ST14: variants seen among roughly 807,000 people sequenced by gnomAD.
The protein encoded by ST14 is suppressor of tumorigenicity 14 protein.
Under a neutral mutation model 96.5 loss-of-function variants are expected in ST14, and 40 were observed. That is an observed-to-expected ratio of 0.41 (90% CI 0.32 to 0.54). The LOEUF (loss-of-function observed/expected upper bound fraction) is 0.54, where lower values mean the gene tolerates loss of function less well. Among genes scored for constraint, ST14 ranks in the 20% least tolerant of loss-of-function variants. ST14 has a pLI of 0.17. For synonymous variants in ST14, 506 were observed against 492.1 expected (o/e 1.03, Z -0.37); for missense variants, 1,066 against 1,188.9 (o/e 0.90, Z 1.52).
chr11:130,159,830 C>T lies in ST14; in HGVS notation c.-150C>T. 4.3e-6 allele frequency: 1 copy of T among 235,016 alleles called. No homozygotes were observed. Among genetic ancestry groups the T allele is most frequent in the Non-Finnish European group, 8.0e-6 (1 of 125,394 alleles). 14.6% of individuals were successfully genotyped at this position (235,016 alleles called of 1,614,324 possible). ...GAAAGAGGAAGAGGGAGAGAGAGCG[C>T]GCCAGGGCGAGGGCACCGCCGCCGG... On this transcript the variant is annotated 5_prime_UTR_variant, in exon 1 of 19. Transcript: ENST00000278742.
Position 130,200,207 on chromosome 11 carries a change from G to A in ST14, c.1994+70G>A, listed in dbSNP as rs564154378. The stretch of plus-strand genomic sequence containing the variant: ...TGCATCTGGGAGTAATGCCAGGATA[G>A]GTTGGCACCGAGGCAGGGCACTGGA... On this transcript the variant is annotated intron_variant, in intron 16 of 18. Transcript: ENST00000278742. 1.2e-5 allele frequency: 19 copies of A among 1,576,778 alleles called. No individual in the cohort carries two copies. In the Admixed American group the frequency reaches 2.7e-4, roughly 22 times the overall value.
intron 4 of ST14, chr11:130,189,292 G>A (rs988030946): frequency 2.1e-6 from 1 of 467,818 alleles, no homozygotes; most frequent in South Asian, 2.4e-5. Context: ...TGCTTGAGCA[G>A]TTTTTCACGC....
At chr11:130,201,300 G>A (rs1311512763) in intron 16 of ST14, among the ~76,000 whole-genome samples, 1 of 152,272 alleles carries the variant, frequency 6.6e-6, no homozygotes, top group Admixed American at 6.5e-5. Flanking sequence ...ACAGGGGCAT[G>A]GGCCTTCCAG....
At chr11:130,166,380 G>A (rs1212915198) in intron 1 of ST14, among the ~76,000 whole-genome samples, 2 of 152,170 alleles carry the variant, frequency 1.3e-5, no homozygotes, top group Non-Finnish European at 2.9e-5. Flanking sequence ...TTGGAGGATC[G>A]AAGTTCTGGT....
rs1953395820 is a variant in ST14 at position 130,198,682 on chromosome 11, A to C, written c.1684+61A>C. On this transcript the variant is annotated intron_variant, in intron 14 of 18. Transcript: ENST00000278742. ...CTCGCCCCTGGAGGAGGCTGCCCTGAGCACACGCACATGCAGGACGCCCCG... is the reference window on the plus strand; with the variant it reads ...CTCGCCCCTGGAGGAGGCTGCCCTGCGCACACGCACATGCAGGACGCCCCG... The C allele has an allele frequency of 3.3e-6, 5 of 1,496,794 alleles. No homozygotes were observed. In the South Asian group the frequency reaches 5.7e-5, roughly 17 times the overall value. The allele number at this position is 1,496,794 out of a possible 1,614,324, so 92.7% of individuals were successfully genotyped here.
At chr11:130,189,682 C>T (rs758467765) in intron 4 of ST14, 57 bp from the exon 5 acceptor site, 15 of 1,598,594 alleles carry the variant, frequency 9.4e-6, no homozygotes, top group South Asian at 5.5e-5. Flanking sequence ...TCGCTCTGGG[C>T]GCACGTGGGG....
At chr11:130,186,994 T>G (rs1230183551) in intron 1 of ST14, among the ~76,000 whole-genome samples, 2 of 151,192 alleles carry the variant, frequency 1.3e-5, no homozygotes, top group Non-Finnish European at 2.9e-5. Context: ...AAGGCAGGAG[T>G]GAGGAGAATC....
At position 130,210,136 on chromosome 11, in the gene ST14, C is replaced by T. The variant is rs1286468656; in HGVS notation, c.*313C>T. On this transcript the variant is annotated 3_prime_UTR_variant, in exon 19 of 19. Transcript: ENST00000278742. ...GCGCGTTTGTGCATATCTGCCTCCC[C>T]TGTCTCTAAGGAGCAGCGGGAACGG... 2 of 344,136 alleles carry T rather than the reference C, an allele frequency of 5.8e-6. No homozygotes were observed. The highest frequency in any genetic ancestry group is 4.2e-5 in the African/African-American group (2 of 47,936). The allele number at this position is 344,136 out of a possible 1,614,324, so 21.3% of individuals were successfully genotyped here. A position where few individuals can be genotyped will look rare whatever the true frequency, so the allele number is the denominator to read the frequency against.
chr11:130,206,790 A>T (rs1408631807), intron 16 of ST14, among the ~76,000 whole-genome samples: 3 of 149,344 alleles, frequency 2.0e-5, no homozygotes, highest in Non-Finnish European at 3.0e-5. Flanking sequence ...CTGGTCTTGA[A>T]CTCCTAACCT....
intron 1 of ST14, among the ~76,000 whole-genome samples, chr11:130,169,945 C>G (rs531051803): frequency 5.3e-5 from 8 of 152,152 alleles, no homozygotes; most frequent in African/African-American, 1.7e-4. Flanking sequence ...GCTCTGAGTC[C>G]GGTGACTTGG....
Position 130,199,019 on chromosome 11 carries a change from A to C in ST14, c.1757A>C (p.Glu586Ala), listed in dbSNP as rs766798800. The C allele has an allele frequency of 7.4e-6, 12 of 1,614,040 alleles. No individual in the cohort carries two copies. Among genetic ancestry groups the C allele is most frequent in the Non-Finnish European group, 8.5e-6 (10 of 1,179,978 alleles). The change falls in exon 15 of 19, where the codon GAG (glutamate) becomes GCG (alanine). Residue 586 changes from glutamate to alanine, a missense_variant. Transcript: ENST00000278742. ...CTCTGCTTGAGCAAGGGCAACCCTGAGTGTGACGGGAAGGAGGACTGTAGC... is the reference window on the plus strand; with the variant it reads ...CTCTGCTTGAGCAAGGGCAACCCTGCGTGTGACGGGAAGGAGGACTGTAGC... ...NGLCLSKGNP[E>A]CDGKEDCSDG...
At chr11:130,192,292 T>C (rs1050069248) in intron 7 of ST14, among the ~76,000 whole-genome samples, 1 of 152,200 alleles carries the variant, frequency 6.6e-6, no homozygotes, top group African/African-American at 2.4e-5. Context: ...TTATTAATTG[T>C]ACAACAAAGA....
At chr11:130,205,574 G>C (rs1289057351) in intron 16 of ST14, among the ~76,000 whole-genome samples, 1 of 152,060 alleles carries the variant, frequency 6.6e-6, no homozygotes, top group Non-Finnish European at 1.5e-5. Flanking sequence ...CAGGTGCCTC[G>C]GCCTGTGTCT....
chr11:130,196,997 C>CA (rs1182492643), intron 11 of ST14, among the ~76,000 whole-genome samples: 2 of 152,146 alleles, frequency 1.3e-5, no homozygotes, highest in African/African-American at 4.8e-5. Flanking sequence ...CCCTCAGGCC[C>CA]ACCTTCACCG....
intron 1 of ST14, among the ~76,000 whole-genome samples, chr11:130,184,599 G>T (rs1953221145): frequency 6.6e-6 from 1 of 152,144 alleles, no homozygotes; most frequent in East Asian, 1.9e-4. Context: ...AAAAGATTGG[G>T]CTCAAGTATT....
chr11:130,188,990 T>C lies in ST14; in HGVS notation c.440+51T>C, dbSNP rs1186421174. The C allele has an allele frequency of 1.3e-6, 2 of 1,559,312 alleles. No individual in the cohort carries two copies. On this transcript the variant is annotated intron_variant, in intron 4 of 18. Transcript: ENST00000278742. This position sits in a 1 kb window ranked among gnomAD's most constrained non-coding sequence, Gnocchi z 5.4. ...GGATGCACCCCAGACTGGCTGGGAGTAGGATCGGGGTACAGTGTGTGGGGC... is the reference window on the plus strand; with the variant it reads ...GGATGCACCCCAGACTGGCTGGGAGCAGGATCGGGGTACAGTGTGTGGGGC...
At chr11:130,163,874 C>T (rs1210213733) in intron 1 of ST14, among the ~76,000 whole-genome samples, 4 of 152,192 alleles carry the variant, frequency 2.6e-5, no homozygotes, top group South Asian at 2.1e-4. Context: ...TGGACCTGCT[C>T]GAGCCGACTT....
chr11:130,199,698 G>A (rs1953407053), intron 15 of ST14, among the ~76,000 whole-genome samples: 1 of 152,226 alleles, frequency 6.6e-6, no homozygotes, highest in Non-Finnish European at 1.5e-5. Flanking sequence ...CGCTGCATTT[G>A]TGAGGGAGGG....
At chr11:130,208,863 C>A (rs2136222073) in intron 17 of ST14, among the ~76,000 whole-genome samples, 179 bp downstream of exon 17, 2 of 152,274 alleles carry the variant, frequency 1.3e-5, no homozygotes, top group South Asian at 4.1e-4. Context: ...GGATTTGCAG[C>A]CTGGGCTCAG....
Sources: gnomAD v4.1 joint callset for allele counts (sites outside exome capture counted in the v4.1 genomes callset) on GRCh38, gnomAD v4.1.1 for gene constraint, Gnocchi (gnomAD v3.1) non-coding constraint, MANE v1.5 for transcripts, NCBI Gene and HGNC (gene_info 2026-07-23, HGNC 2026-07-21) for gene names.